BANP: variants seen among roughly 807,000 people sequenced by gnomAD.
BANP encodes BTG3 associated nuclear protein, also known as protein BANP.
A neutral mutation model predicts 68.1 loss-of-function variants in BANP; 11 were observed. The observed-to-expected ratio is 0.16, with a 90% CI of 0.10 to 0.27. The LOEUF (loss-of-function observed/expected upper bound fraction) is 0.27, where lower values mean the gene tolerates loss of function less well. Ranked by LOEUF, BANP falls within the 10% of genes least tolerant of loss-of-function variation. BANP has a pLI of 1.00. For missense variants in BANP, 504 were observed against 722.7 expected, an observed-to-expected ratio of 0.70 and a Z score of 3.47; for synonymous variants, 329 against 303.2, an observed-to-expected ratio of 1.09 and a Z score of -0.88.
intron 8 of BANP, among the ~76,000 whole-genome samples, chr16:88,028,625 C>G (rs190970387): frequency 3.8e-3 from 584 of 152,298 alleles, no homozygotes; most frequent in Middle Eastern, 6.8e-3. Context: ...CTTTCTACTA[C>G]AATGAGGAAT....
intron 7 of BANP, among the ~76,000 whole-genome samples, chr16:88,019,880 G>C (rs1417489375): frequency 6.6e-6 from 1 of 152,206 alleles, no homozygotes; most frequent in Non-Finnish European, 1.5e-5. Flanking sequence ...AGTAAGACTG[G>C]GGTGTCGTGC....
At chr16:88,037,696 A>G (rs1249598236) in intron 10 of BANP, 2 of 473,076 alleles carry the variant, frequency 4.2e-6, no homozygotes, top group Middle Eastern at 5.7e-4. Flanking sequence ...AAAATAAAAA[A>G]TGAAGTAAAA....
intron 12 of BANP, among the ~76,000 whole-genome samples, chr16:88,069,914 C>T (rs1413045739): frequency 2.0e-5 from 3 of 152,054 alleles, no homozygotes; most frequent in African/African-American, 7.3e-5. Context: ...TCTCTTCTGC[C>T]TCTGCTGCCC....
chr16:88,020,817 C>T lies in BANP; in HGVS notation c.895+2150C>T, dbSNP rs571849139. Among the ~76,000 whole-genome samples, 6 of 152,262 alleles carry T rather than the reference C, an allele frequency of 3.9e-5. No homozygotes were observed. The East Asian group carries it at 7.7e-4, about 20-fold the overall frequency. On this transcript the variant is annotated intron_variant, in intron 7 of 13. Coordinates refer to ENST00000682872, the MANE Select transcript of BANP (RefSeq NM_001386991.1). ...GCCTTGGATTGTCAGGCTAAGGATT[C>T]GGGCTTTCAGGGCATTGGCTGCAAT...
At chr16:88,055,609 G>A (rs1033048018) in intron 11 of BANP, among the ~76,000 whole-genome samples, 23 of 152,172 alleles carry the variant, frequency 1.5e-4, no homozygotes, top group Non-Finnish European at 2.5e-4. Context: ...AACATTTTAC[G>A]TGTAGGATTT....
intron 11 of BANP, among the ~76,000 whole-genome samples, chr16:88,055,178 C>T (rs1383889947): frequency 6.6e-6 from 1 of 151,030 alleles, no homozygotes; most frequent in Non-Finnish European, 1.5e-5. Flanking sequence ...ACGAACAAAG[C>T]TTATATATGT....
At chr16:88,015,212 C>T (rs547578583) in intron 6 of BANP, among the ~76,000 whole-genome samples, 119 of 148,110 alleles carry the variant, frequency 8.0e-4, no homozygotes, top group African/African-American at 2.6e-3. Context: ...GCCCATCCCT[C>T]TGCTTGTGCC....
rs570970580 is a variant in BANP, at chr16:88,013,849, A to G, written c.656-4579A>G. On this transcript the variant is annotated intron_variant, in intron 6 of 13. Coordinates refer to ENST00000682872, the MANE Select transcript of BANP (RefSeq NM_001386991.1). ...TCTGAGAACATGCCTGAAAATCTCTAGTACTTAGAGGAGTGAGGTGGGAGT... is the reference window on the plus strand; with the variant it reads ...TCTGAGAACATGCCTGAAAATCTCTGGTACTTAGAGGAGTGAGGTGGGAGT... 1.3e-4 allele frequency among the ~76,000 whole-genome samples: 20 copies of G among 152,326 alleles called. No homozygotes were observed. In the South Asian group the frequency reaches 4.1e-3, roughly 32 times the overall value.
At chr16:88,015,245 C>T (rs1043068269) in intron 6 of BANP, among the ~76,000 whole-genome samples, 1 of 148,356 alleles carries the variant, frequency 6.7e-6, no homozygotes, top group African/African-American at 2.5e-5. Flanking sequence ...CCCTTCAGCT[C>T]GTCTCCTCTG....
rs561942450 is a variant in BANP at position 88,036,321 on chromosome 16, G to C, written c.1272+927G>C. Among the ~76,000 whole-genome samples, 5 of 152,146 alleles carry C rather than the reference G, an allele frequency of 3.3e-5. No homozygotes were observed. Among genetic ancestry groups the C allele is most frequent in the African/African-American group, 1.2e-4 (5 of 41,432 alleles). ...ACCAGCAGCAGAGACTAGGAAGCCC[G>C]GGTGCTGAGGTCAAGGGGACTCATG... On this transcript the variant is annotated intron_variant, in intron 10 of 13. Coordinates refer to ENST00000682872, the MANE Select transcript of BANP (RefSeq NM_001386991.1). This position sits in a 1 kb window ranked among gnomAD's most constrained non-coding sequence, Gnocchi z 4.2.
intron 1 of BANP, chr16:87,952,769 G>A (rs1327895243): frequency 2.6e-5 from 4 of 152,134 alleles, no homozygotes; most frequent in Non-Finnish European, 2.9e-5. Context: ...TGTCATCATT[G>A]GCGTTAATAT....
rs934269823 is a variant in BANP, at chr16:88,064,207, A to AG, written c.1312-1053dup. Reference sequence around the variant, plus strand: ...GGGGGCTTGAGAGGCGCAGGGGAGCAGGGGGGGAGAGTGGACAGCGAGGCG... The same window carrying AG: ...GGGGGCTTGAGAGGCGCAGGGGAGCAGGGGGGGGAGAGTGGACAGCGAGGCG... On this transcript the variant is annotated intron_variant, in intron 11 of 13. Transcript: ENST00000682872. The surrounding 1 kb of genome is among the most constrained non-coding windows in gnomAD (Gnocchi z 4.5). Among the ~76,000 whole-genome samples, 5 of 83,990 alleles carry AG rather than the reference A, an allele frequency of 6.0e-5. No homozygotes were observed. Among genetic ancestry groups the AG allele is most frequent in the East Asian group, 2.9e-4 (1 of 3,504 alleles). The allele number at this position is 83,990 out of a possible 152,430, so 55.1% of individuals were successfully genotyped here. A position where few individuals can be genotyped will look rare whatever the true frequency, so the allele number is the denominator to read the frequency against.
At chr16:87,975,273 G>A (rs2061805898) in intron 2 of BANP, 88 bp downstream of exon 2, 1 of 1,382,820 alleles carries the variant, frequency 7.2e-7, no homozygotes. Flanking sequence ...TTTCCTTTAA[G>A]CAGAAGAAAA....
chr16:87,969,774 C>G (rs1343937611), intron 1 of BANP, among the ~76,000 whole-genome samples: 1 of 152,120 alleles, frequency 6.6e-6, no homozygotes, highest in Non-Finnish European at 1.5e-5. Flanking sequence ...CCTCTTGATC[C>G]ACCCACCTTA....
intron 7 of BANP, among the ~76,000 whole-genome samples, chr16:88,024,571 G>A (rs189450377): frequency 6.8e-4 from 104 of 152,362 alleles, no homozygotes; most frequent in African/African-American, 2.4e-3. Context: ...CTGCCCAGAC[G>A]TGGGCGCTTG....
intron 10 of BANP, among the ~76,000 whole-genome samples, chr16:88,035,944 G>A (rs975218990): frequency 5.3e-5 from 8 of 152,218 alleles, no homozygotes; most frequent in Non-Finnish European, 1.0e-4. Flanking sequence ...GCTCTACCCG[G>A]CCACGCACTC....
chr16:88,056,078 G>A (rs564294375), intron 11 of BANP, among the ~76,000 whole-genome samples: 1 of 152,196 alleles, frequency 6.6e-6, no homozygotes, highest in African/African-American at 2.4e-5. Flanking sequence ...TCCTTGCCCT[G>A]TCTGGGGAGG....
chr16:87,965,751 A>C (rs1277202896), intron 1 of BANP, among the ~76,000 whole-genome samples: 1 of 152,210 alleles, frequency 6.6e-6, no homozygotes. Context: ...GGCCAGGTTA[A>C]AGATGGTTCT....
chr16:88,059,560 A>G (rs984088639), intron 11 of BANP, among the ~76,000 whole-genome samples: 2 of 152,024 alleles, frequency 1.3e-5, no homozygotes, highest in Non-Finnish European at 2.9e-5. Context: ...GACCCTCCCC[A>G]TCCCCATACC....
Sources: allele counts gnomAD v4.1 joint callset (sites outside exome capture counted in the v4.1 genomes callset), GRCh38; gene constraint gnomAD v4.1.1; non-coding constraint Gnocchi (gnomAD v3.1); transcripts MANE v1.5; gene names NCBI Gene and HGNC (gene_info 2026-07-23, HGNC 2026-07-21).